TFEC: variants seen among roughly 807,000 people sequenced by gnomAD.
The protein encoded by TFEC is transcription factor EC.
A neutral mutation model predicts 41.6 loss-of-function variants in TFEC; 31 were observed. The observed-to-expected ratio is 0.74, with a 90% CI of 0.56 to 1.01. The LOEUF (loss-of-function observed/expected upper bound fraction) is 1.01, where lower values mean the gene tolerates loss of function less well. TFEC is among the 50% of genes least tolerant of loss of function. TFEC has a pLI of 0.00. For synonymous variants in TFEC, 143 were observed against 140.6 expected, an observed-to-expected ratio of 1.02 and a Z score of -0.12; for missense variants, 402 against 404.1, an observed-to-expected ratio of 0.99 and a Z score of 0.04.
intron 1 of TFEC, among the ~76,000 whole-genome samples, chr7:116,151,256 T>C (rs2116463932): frequency 6.7e-6 from 1 of 149,622 alleles, no homozygotes; most frequent in South Asian, 2.2e-4. Flanking sequence ...TTTTTTTTTT[T>C]TTTTGAGATG....
intron 3 of TFEC, among the ~76,000 whole-genome samples, chr7:116,104,847 G>A (rs1490258419): frequency 6.6e-6 from 1 of 151,640 alleles, no homozygotes; most frequent in African/African-American, 2.4e-5. Flanking sequence ...TATATCTGGA[G>A]GAGATGATCA....
chr7:116,074,832 C>T (rs1437232371), intron 3 of TFEC, among the ~76,000 whole-genome samples: 1 of 152,068 alleles, frequency 6.6e-6, no homozygotes, highest in African/African-American at 2.4e-5. Flanking sequence ...ATTATAGCAG[C>T]GTTATTCACA....
chr7:115,950,778 T>G, intron 6 of TFEC, 96 bp downstream of exon 6: 1 of 881,986 alleles, frequency 1.1e-6, no homozygotes, highest in South Asian at 2.0e-5. Flanking sequence ...GCTGCTTAGT[T>G]TCCTAGTCAT....
chr7:116,119,555 T>G (rs2116193748), intron 1 of TFEC, among the ~76,000 whole-genome samples: 1 of 151,870 alleles, frequency 6.6e-6, no homozygotes, highest in Non-Finnish European at 1.5e-5. Flanking sequence ...AATTATACAC[T>G]TTAAAAGTGT....
chr7:115,977,247 T>A (rs796906673), intron 2 of TFEC, among the ~76,000 whole-genome samples: 30 of 152,034 alleles, frequency 2.0e-4, no homozygotes, highest in African/African-American at 7.0e-4. Context: ...CAAGTAAGCA[T>A]CCTCAAAATA....
chr7:115,984,628 T>C, intron 1 of TFEC, 115 bp from the exon 2 acceptor site: 3 of 1,246,268 alleles, frequency 2.4e-6, no homozygotes, highest in Non-Finnish European at 3.3e-6. Flanking sequence ...ATCTAGTTTC[T>C]CTCCAATCTA....
chr7:115,962,256 T>C (rs1038755578), intron 3 of TFEC, among the ~76,000 whole-genome samples: 5 of 151,764 alleles, frequency 3.3e-5, no homozygotes, highest in Admixed American at 1.3e-4. Context: ...TATTGTAACA[T>C]TGCAATACTA....
At chr7:116,086,279 A>G (rs1435302882) in intron 3 of TFEC, among the ~76,000 whole-genome samples, 1 of 151,956 alleles carries the variant, frequency 6.6e-6, no homozygotes, top group East Asian at 1.9e-4. Flanking sequence ...CAGTTTGTCA[A>G]ACTAAATATT....
chr7:116,121,828 G>A (rs1241985519), intron 1 of TFEC, among the ~76,000 whole-genome samples: 1 of 151,912 alleles, frequency 6.6e-6, no homozygotes, highest in African/African-American at 2.4e-5. Context: ...TTGGCTAAAA[G>A]CCCTGATTGG....
intron 3 of TFEC, among the ~76,000 whole-genome samples, chr7:116,039,813 T>A (rs1357385996): frequency 1.3e-5 from 2 of 152,200 alleles, no homozygotes; most frequent in East Asian, 1.9e-4. Flanking sequence ...TTTTATTCTT[T>A]TAGAGGTTAA....
chr7:115,998,719 G>C (rs1187487473), intron 1 of TFEC, among the ~76,000 whole-genome samples: 1 of 152,058 alleles, frequency 6.6e-6, no homozygotes, highest in East Asian at 1.9e-4. Flanking sequence ...GAAAAAAGGT[G>C]TAAGAAGAGA....
intron 3 of TFEC, among the ~76,000 whole-genome samples, chr7:115,960,257 G>T (rs1215248671): frequency 3.3e-5 from 5 of 151,430 alleles, no homozygotes; most frequent in African/African-American, 1.2e-4. Flanking sequence ...AACATTGAAA[G>T]AAAATAAAAC....
chr7:116,024,837 C>G (rs181234564), intron 1 of TFEC, among the ~76,000 whole-genome samples: 14 of 149,768 alleles, frequency 9.3e-5, no homozygotes, highest in Admixed American at 9.2e-4. Context: ...TTTGTTTTAG[C>G]TTATCCATTT....
chr7:116,038,170 T>C (rs1795954102), intron 3 of TFEC, among the ~76,000 whole-genome samples: 1 of 152,068 alleles, frequency 6.6e-6, no homozygotes, highest in African/African-American at 2.4e-5. Context: ...ATTTAATTCT[T>C]CTATAATACC....
At chr7:115,951,985 G>T (rs2130364876) in intron 5 of TFEC, among the ~76,000 whole-genome samples, 1 of 151,972 alleles carries the variant, frequency 6.6e-6, no homozygotes, top group East Asian at 1.9e-4. Flanking sequence ...GGGAAGTAAA[G>T]GTAGAAAAGG....
At position 115,950,955 on chromosome 7, in the gene TFEC, AAAG is replaced by A. The variant is rs1791906090; in HGVS notation, c.440-9_440-7del. 1 of 1,542,828 alleles carries A rather than the reference AAAG, an allele frequency of 6.5e-7. No homozygotes were observed. The highest frequency in any genetic ancestry group is 8.9e-7 in the Non-Finnish European group (1 of 1,124,070). ...ATACCTTCTTCTTCTTTCAACTATT[AAAG>A]AAGAAATATTATTGATTATTCTCAT... On this transcript the variant is annotated splice_polypyrimidine_tract_variant and splice_region_variant and intron_variant, in intron 5 of 7. Coordinates refer to ENST00000265440, the MANE Select transcript of TFEC (RefSeq NM_012252.4).
At chr7:116,046,942 C>A (rs942736849) in intron 3 of TFEC, among the ~76,000 whole-genome samples, 3 of 152,136 alleles carry the variant, frequency 2.0e-5, no homozygotes, top group African/African-American at 7.2e-5. Flanking sequence ...AGGGAGAATA[C>A]CATTTTATTA....
intron 3 of TFEC, among the ~76,000 whole-genome samples, chr7:116,054,702 C>T (rs1015064575): frequency 6.6e-6 from 1 of 151,990 alleles, no homozygotes; most frequent in Non-Finnish European, 1.5e-5. Context: ...ATGGAACATA[C>T]GTACACCAAA....
In TFEC at chr7:116,077,639, CA is replaced by C. The variant is rs577244291; in HGVS notation, c.198+33068del. The stretch of plus-strand genomic sequence containing the variant: ...CAAGAGTAGTTATTCTTATATCAGA[CA>C]AAAAAAACCTTAAAGCAATAGCAGT... On this transcript the variant is annotated intron_variant, in intron 3 of 8. Transcript: ENST00000484212. 1.2e-4 allele frequency among the ~76,000 whole-genome samples: 18 copies of C among 150,846 alleles called. No homozygotes were observed. In the East Asian group the frequency reaches 3.3e-3, roughly 28 times the overall value.
Sources: gnomAD v4.1 joint callset for allele counts (sites outside exome capture counted in the v4.1 genomes callset) on GRCh38, gnomAD v4.1.1 for gene constraint, MANE v1.5 for transcripts, NCBI Gene and HGNC (gene_info 2026-07-23, HGNC 2026-07-21) for gene names.